RBBP6: variants seen among roughly 807,000 people sequenced by gnomAD.
RBBP6 encodes RB binding protein 6, ubiquitin ligase.
A neutral mutation model predicts 167.7 loss-of-function variants in RBBP6; 25 were observed. The ratio of observed to expected loss-of-function variants is 0.15; its 90% CI spans 0.11 to 0.21. RBBP6 has a LOEUF of 0.21. RBBP6 is among the 10% of genes least tolerant of loss of function. The pLI is 1.00. For missense variants in RBBP6, 1,868 were observed against 2,134.2 expected (o/e 0.88, Z 2.46); for synonymous variants, 789 against 735.8 (o/e 1.07, Z -1.17).
intron 2 of RBBP6, among the ~76,000 whole-genome samples, chr16:24,546,482 A>T (rs894642817): frequency 6.6e-6 from 1 of 152,182 alleles, no homozygotes; most frequent in Non-Finnish European, 1.5e-5. Flanking sequence ...TTATTAGGAA[A>T]AATTTTTCTC....
rs1447041304 is a variant in RBBP6, at chr16:24,571,441, A to T, written c.4375A>T (p.Thr1459Ser). The change falls in exon 18 of 18, where the codon ACT becomes TCT. Residue 1459 changes from threonine (T) to serine (S), a missense_variant. Transcript: ENST00000319715. Reference protein sequence around the residue: ...EARTSDKHDSTRASSNKDFTP... With the variant: ...EARTSDKHDSSRASSNKDFTP... Reference sequence around the variant, plus strand: ...TAGAACGTCAGATAAACATGATTCCACTCGTGCTTCCTCAAATAAAGACTT... The same window carrying T: ...TAGAACGTCAGATAAACATGATTCCTCTCGTGCTTCCTCAAATAAAGACTT... 6 of 1,613,062 alleles carry T rather than the reference A, an allele frequency of 3.7e-6. No homozygotes were observed. The highest frequency in any genetic ancestry group is 4.2e-6 in the Non-Finnish European group (5 of 1,179,806).
chr16:24,570,908 A>G lies in RBBP6; in HGVS notation c.3842A>G (p.Lys1281Arg). The G allele has an allele frequency of 6.3e-7, 1 of 1,584,386 alleles. No homozygotes were observed. The highest frequency in any genetic ancestry group is 8.6e-7 in the Non-Finnish European group (1 of 1,159,604). ...TCAACTGGAGGCAGTCCTGTGCGGA[A>G]ATCTGAAGAAAAAACAGATACAAAG... The part of the protein sequence containing the change: ...TSSTGGSPVR[K>R]SEEKTDTKRT... Residue 1281 changes from lysine (K) to arginine (R), a missense_variant, in exon 18 of 18, where the codon AAA (lysine) becomes AGA (arginine). Lys to Arg is a conservative substitution (Grantham distance 26, BLOSUM62 2). Coordinates refer to ENST00000319715, the MANE Select transcript of RBBP6 (RefSeq NM_006910.5).
intron 8 of RBBP6, 73 bp from the exon 9 acceptor site, chr16:24,561,539 T>A: frequency 1.6e-6 from 2 of 1,250,694 alleles, no homozygotes; most frequent in Non-Finnish European, 2.3e-6. Context: ...ATGTGGACCA[T>A]CCTTTTAATT....
chr16:24,559,788 CAA>C (rs1899002907), intron 8 of RBBP6, 111 bp downstream of exon 8: 1 of 1,006,170 alleles, frequency 9.9e-7, no homozygotes, highest in Admixed American at 3.5e-5. Flanking sequence ...ATGTTGATGA[CAA>C]GTGTTGATCA....
At chr16:24,559,878 C>G (rs907567796) in intron 8 of RBBP6, 7 of 365,064 alleles carry the variant, frequency 1.9e-5, no homozygotes, top group African/African-American at 1.5e-4. Context: ...CTTTTAAATT[C>G]TAGAATTGAC....
At chr16:24,556,534 C>T (rs1898915817) in intron 7 of RBBP6, 87 bp downstream of exon 7, 3 of 1,393,118 alleles carry the variant, frequency 2.2e-6, no homozygotes, top group South Asian at 1.7e-5. Context: ...AACTTTGCTA[C>T]TTGGATTCCT....
intron 1 of RBBP6, among the ~76,000 whole-genome samples, chr16:24,542,392 A>G (rs1898522394): frequency 6.6e-6 from 1 of 152,020 alleles, no homozygotes; most frequent in African/African-American, 2.4e-5. Flanking sequence ...TTACTGGAGT[A>G]TTACACAATC....
At chr16:24,541,078 G>A (rs1344434320) in intron 1 of RBBP6, among the ~76,000 whole-genome samples, 1 of 150,698 alleles carries the variant, frequency 6.6e-6, no homozygotes, top group African/African-American at 2.4e-5. Flanking sequence ...AGGAGAGGGG[G>A]ATAGCTATCT....
chr16:24,548,881 A>G, intron 2 of RBBP6, 64 bp from the exon 3 acceptor site: 2 of 1,392,386 alleles, frequency 1.4e-6, no homozygotes, highest in Non-Finnish European at 9.9e-7. Context: ...AATGTGTTAA[A>G]ATTTATTAGC....
At chr16:24,547,735 C>T (rs1385205020) in intron 2 of RBBP6, among the ~76,000 whole-genome samples, 21 of 152,174 alleles carry the variant, frequency 1.4e-4, no homozygotes, top group African/African-American at 3.9e-4. Flanking sequence ...AGATTACAGG[C>T]GTGAGCCACC....
intron 7 of RBBP6, among the ~76,000 whole-genome samples, chr16:24,558,269 A>G (rs1357289326): frequency 6.6e-6 from 1 of 152,226 alleles, no homozygotes; most frequent in Non-Finnish European, 1.5e-5. Flanking sequence ...TACTGGGGAA[A>G]GATGGGAATC....
In RBBP6 at chr16:24,556,469, G is replaced by C. The variant is rs768933366; in HGVS notation, c.674+22G>C. 3.1e-6 allele frequency: 5 copies of C among 1,601,376 alleles called. No individual in the cohort carries two copies. The South Asian group carries it at 5.5e-5, about 18-fold the overall frequency. On this transcript the variant is annotated intron_variant, in intron 7 of 17. Coordinates refer to ENST00000319715, the MANE Select transcript of RBBP6 (RefSeq NM_006910.5). The stretch of plus-strand genomic sequence containing the variant: ...ATGCGTAAGTATGCAAATTAGGTAT[G>C]ACCTGTGGAGACTCCAGTCAGTCCC...
rs560957646 is a variant in RBBP6 at position 24,566,605 on chromosome 16, G to A, written c.1590-538G>A. ...AAAATACAAAAATTAGCTGGGCATG[G>A]TGGCACACGTCTCTAGTCCCAGCTA... On this transcript the variant is annotated intron_variant, in intron 14 of 17. Coordinates refer to ENST00000319715, the MANE Select transcript of RBBP6 (RefSeq NM_006910.5). Among the ~76,000 whole-genome samples the A allele has an allele frequency of 2.6e-5, 4 of 152,242 alleles. No individual in the cohort carries two copies. The South Asian group carries it at 8.3e-4, about 32-fold the overall frequency.
chr16:24,561,769 A>G, intron 9 of RBBP6, 54 bp downstream of exon 9: 1 of 1,605,754 alleles, frequency 6.2e-7, no homozygotes, highest in Non-Finnish European at 8.5e-7. Context: ...ATTTAACTGT[A>G]CTTCAGTGAA....
At chr16:24,568,118 GTCCCT>G (rs1484083501) in intron 16 of RBBP6, among the ~76,000 whole-genome samples, 1 of 152,150 alleles carries the variant, frequency 6.6e-6, no homozygotes, top group Non-Finnish European at 1.5e-5. Context: ...AATTGCCCTT[GTCCCT>G]TAAAGTTATT....
rs772992112 is a variant in RBBP6, at chr16:24,546,251, G to A, written c.255G>A (p.Lys85=). Reference sequence around the variant, plus strand: ...TTGGAGGTGTTAAATCTACAAGCAAGACATATGTTATGTAAGTATCAAATC... The same window carrying A: ...TTGGAGGTGTTAAATCTACAAGCAAAACATATGTTATGTAAGTATCAAATC... The part of the protein sequence containing the change: ...IPIGGVKSTS[K]TYVISRTEPA... Residue 85 remains lysine, a synonymous_variant, in exon 2 of 18, where the codon AAG becomes AAA. Transcript: ENST00000319715. The A allele has an allele frequency of 1.6e-5, 26 of 1,578,198 alleles. No individual in the cohort carries two copies. In the East Asian group the frequency reaches 6.0e-4, roughly 36 times the overall value.
chr16:24,557,546 G>A (rs9923363), intron 7 of RBBP6, among the ~76,000 whole-genome samples: 41,304 of 151,606 alleles, frequency 0.27, 5,696 homozygotes, highest in Admixed American at 0.34. Context: ...ATGTTAAAAG[G>A]CTGGCCAGGT....
chr16:24,570,928 A>G lies in RBBP6; in HGVS notation c.3862A>G (p.Thr1288Ala), dbSNP rs758432396. Residue 1288 changes from threonine to alanine, a missense_variant, in exon 18 of 18, where the codon ACA (threonine) becomes GCA (alanine). Thr to Ala is a moderately conservative substitution (Grantham distance 58). This residue lies in a region of RBBP6 where 673 missense variants were observed against 691.5 expected (regional missense o/e 0.97). Transcript: ENST00000319715. ...PVRKSEEKTD[T>A]KRTVIKTMEE... Reference sequence around the variant, plus strand: ...GCGGAAATCTGAAGAAAAAACAGATACAAAGCGAACTGTGATTAAAACGAT... The same window carrying G: ...GCGGAAATCTGAAGAAAAAACAGATGCAAAGCGAACTGTGATTAAAACGAT... 1 of 1,595,146 alleles carries G rather than the reference A, an allele frequency of 6.3e-7. No individual in the cohort carries two copies. Among genetic ancestry groups the G allele is most frequent in the African/African-American group, 1.3e-5 (1 of 74,706 alleles).
chr16:24,554,188 G>A (rs1898863498), intron 4 of RBBP6: 1 of 151,948 alleles, frequency 6.6e-6, no homozygotes, highest in African/African-American at 2.4e-5. Context: ...TATATGCCAT[G>A]TTTTGCGATA....
Sources: gnomAD v4.1 joint callset for allele counts (sites outside exome capture counted in the v4.1 genomes callset) on GRCh38, gnomAD v4.1.1 for gene constraint, gnomAD v4.1.1 regional missense constraint, MANE v1.5 for transcripts, NCBI Gene and HGNC (gene_info 2026-07-23, HGNC 2026-07-21) for gene names.